The following ANKRD24 variants were observed in gnomAD, a reference collection of about 807,000 sequenced individuals.
The protein encoded by ANKRD24 is ankyrin repeat domain-containing protein 24.
In ANKRD24, 109 loss-of-function variants were observed where a neutral mutation model predicts 127.8. The ratio of observed to expected loss-of-function variants is 0.85; its 90% CI spans 0.73 to 1.00. The LOEUF (loss-of-function observed/expected upper bound fraction) is 1.00. Among genes scored for constraint, ANKRD24 ranks in the 50% least tolerant of loss-of-function variants. ANKRD24 has a pLI of 0.00. For missense variants in ANKRD24, 1,648 were observed against 1,570.2 expected (o/e 1.05, Z -0.84); for synonymous variants, 743 against 671.1 (o/e 1.11, Z -1.66).
Position 4,210,203 on chromosome 19 carries a change from C to G in ANKRD24, c.952-62C>G. On this transcript the variant is annotated intron_variant, in intron 12 of 21. Coordinates refer to ENST00000318934, the MANE Select transcript of ANKRD24 (RefSeq NM_001393985.1). ...CCCCAGGCACGGGGAGGGGCTCTGG[C>G]TGAGACCTGGGATGGGGCAACCTTA... 4 of 1,563,688 alleles carry G rather than the reference C, an allele frequency of 2.6e-6. No individual in the cohort carries two copies. In the South Asian group the frequency reaches 3.5e-5, roughly 14 times the overall value.
Position 4,202,941 on chromosome 19 carries a change from G to A in ANKRD24, c.466+15G>A. The A allele has an allele frequency of 6.5e-7, 1 of 1,549,052 alleles. No homozygotes were observed. Among genetic ancestry groups the A allele is most frequent in the Non-Finnish European group, 8.7e-7 (1 of 1,145,538 alleles). On this transcript the variant is annotated intron_variant, in intron 7 of 21. Coordinates refer to ENST00000318934, the MANE Select transcript of ANKRD24 (RefSeq NM_001393985.1). Reference sequence around the variant, plus strand: ...ACACCATGCAGGTGGGTGCAGCCCAGCCCTGCCCTGACCCCGAAGCCCAGA... The same window carrying A: ...ACACCATGCAGGTGGGTGCAGCCCAACCCTGCCCTGACCCCGAAGCCCAGA...
At chr19:4,203,088 C>G (rs187355257) in intron 7 of ANKRD24, among the ~76,000 whole-genome samples, 162 bp downstream of exon 7, 2 of 151,856 alleles carry the variant, frequency 1.3e-5, no homozygotes, top group East Asian at 3.9e-4. Flanking sequence ...CACTCTGTTG[C>G]CCAGGCTGGA....
At chr19:4,209,114 GTGT>G in intron 11 of ANKRD24, 1 of 259,808 alleles carries the variant, frequency 3.8e-6, no homozygotes, top group Non-Finnish European at 7.3e-6. Context: ...CAGTTTTTTT[GTGT>G]TTTTTTTCCC....
intron 13 of ANKRD24, among the ~76,000 whole-genome samples, chr19:4,211,587 T>C (rs983277667): frequency 4.0e-5 from 6 of 151,670 alleles, no homozygotes; most frequent in African/African-American, 1.5e-4. Flanking sequence ...GAGGTTGCAG[T>C]GAGCCAAGAT....
rs1233024698 is a variant in ANKRD24, at chr19:4,198,319, G to A, written c.37-1364G>A. The A allele has an allele frequency of 7.7e-6, 3 of 391,628 alleles. No individual in the cohort carries two copies. The East Asian group carries it at 1.1e-4, about 15-fold the overall frequency. 24.3% of individuals were successfully genotyped at this position (391,628 alleles called of 1,614,324 possible). ...GTGGGGGAGGGGGCTGGCGAGGAGG[G>A]CAAGGGGGAGGGGGCGGCACCAGGG... On this transcript the variant is annotated intron_variant, in intron 2 of 21. Transcript: ENST00000318934. The surrounding 1 kb of genome is among the most constrained non-coding windows in gnomAD (Gnocchi z 6.1).
intron 11 of ANKRD24, among the ~76,000 whole-genome samples, chr19:4,209,257 C>G (rs970709488): frequency 6.6e-6 from 1 of 150,486 alleles, no homozygotes; most frequent in East Asian, 2.0e-4. Flanking sequence ...ATTACAGGCA[C>G]CCACCACAAC....
intron 13 of ANKRD24, among the ~76,000 whole-genome samples, chr19:4,211,248 A>C (rs770090241): frequency 6.6e-6 from 1 of 152,214 alleles, no homozygotes; most frequent in Admixed American, 6.5e-5. Context: ...CCTGGGTCAC[A>C]GTATGGGCGT....
Position 4,218,050 on chromosome 19 carries a change from C to A in ANKRD24, c.2890C>A (p.Leu964Ile), listed in dbSNP as rs752175749. ...GCGGGAGCGTGTGTGCAGCGTGGCG[C>A]TCTCGGAGCACGAACGCATCGTGGG... ...LERERVCSVALSEHERIVGTL... is the reference protein window; with the variant it reads ...LERERVCSVAISEHERIVGTL... Residue 964 changes from leucine (L) to isoleucine (I), a missense_variant, in exon 18 of 22, where the codon CTC becomes ATC. Coordinates refer to ENST00000318934, the MANE Select transcript of ANKRD24 (RefSeq NM_001393985.1). 6.4e-7 allele frequency: 1 copy of A among 1,560,602 alleles called. No individual in the cohort carries two copies. Among genetic ancestry groups the A allele is most frequent in the Non-Finnish European group, 8.6e-7 (1 of 1,157,542 alleles).
Position 4,223,997 on chromosome 19 carries a change from G to A in ANKRD24, c.3298-130G>A, listed in dbSNP as rs575737427. On this transcript the variant is annotated intron_variant, in intron 20 of 21. Coordinates refer to ENST00000318934, the MANE Select transcript of ANKRD24 (RefSeq NM_001393985.1). ...TTACAAATGTATGCCACTATGCCCCGCCATATTTTCATATTTTAGCAGTCG... is the reference window on the plus strand; with the variant it reads ...TTACAAATGTATGCCACTATGCCCCACCATATTTTCATATTTTAGCAGTCG... 3.0e-4 allele frequency: 214 copies of A among 703,104 alleles called. 2 individuals are homozygous for A. The highest frequency in any genetic ancestry group is 3.0e-3 in the South Asian group (159 of 52,694). The allele number at this position is 703,104 out of a possible 1,614,324, so 43.6% of individuals were successfully genotyped here.
intron 20 of ANKRD24, 148 bp from the exon 21 acceptor site, chr19:4,223,979 T>C (rs1407982856): frequency 6.1e-6 from 4 of 657,436 alleles, no homozygotes; most frequent in East Asian, 5.6e-5. Flanking sequence ...GGATTACAAA[T>C]GTATGCCACT....
intron 1 of ANKRD24, chr19:4,183,479 TA>T: frequency 2.5e-6 from 1 of 407,636 alleles, no homozygotes; most frequent in Non-Finnish European, 3.3e-6. Context: ...TGTGACCAGG[TA>T]ATGGTGACAT....
In ANKRD24 at chr19:4,199,892, G is replaced by C. The variant is rs767093955; in HGVS notation, c.141G>C (p.Lys47Asn). The C allele has an allele frequency of 6.4e-7, 1 of 1,571,048 alleles. No individual in the cohort carries two copies. Among genetic ancestry groups the C allele is most frequent in the South Asian group, 1.2e-5 (1 of 85,434 alleles). ...CCCTGCAGAGTCAAGACTGGGGCAA[G>C]AGTGACGAGAGGCTGCTACAAGCCG... ...RGRRQSQDWG[K>N]SDERLLQAVE... The change falls in exon 4 of 22, where the codon AAG (lysine) becomes AAC (asparagine). Residue 47 changes from lysine (K) to asparagine (N), a missense_variant. Transcript: ENST00000318934. The surrounding 1 kb of genome is among the most constrained non-coding windows in gnomAD (Gnocchi z 5.2).
intron 11 of ANKRD24, among the ~76,000 whole-genome samples, chr19:4,209,632 G>A (rs1969592218): frequency 6.6e-6 from 1 of 151,624 alleles, no homozygotes; most frequent in Admixed American, 6.6e-5. Context: ...TGTATTTTTA[G>A]TAGGGTCGGG....
At chr19:4,187,419 GAAA>G (rs573288227) in intron 2 of ANKRD24, among the ~76,000 whole-genome samples, 2 of 138,240 alleles carry the variant, frequency 1.4e-5, no homozygotes, top group African/African-American at 5.4e-5. Flanking sequence ...TCTCAAAAAA[GAAA>G]AAAAAAAGAA....
At chr19:4,214,596 G>A (rs1969953626) in intron 15 of ANKRD24, among the ~76,000 whole-genome samples, 1 of 152,282 alleles carries the variant, frequency 6.6e-6, no homozygotes, top group East Asian at 1.9e-4. Flanking sequence ...GCTCACGCCT[G>A]TAATCTCAGC....
chr19:4,217,287 C>T lies in ANKRD24; in HGVS notation c.2127C>T (p.Ile709=). Residue 709 remains isoleucine (I), a synonymous_variant, in exon 18 of 22, where the codon ATC becomes ATT. Transcript: ENST00000318934. ...ATVPGISAGP[I]LHPGAAEASE... is the part of the protein sequence containing the mutation. ...TCCCGGGGATCTCTGCTGGCCCCAT[C>T]CTACATCCTGGTGCCGCAGAGGCCT... 6.4e-7 allele frequency: 1 copy of T among 1,557,884 alleles called. No homozygotes were observed. Among genetic ancestry groups the T allele is most frequent in the African/African-American group, 1.4e-5 (1 of 73,426 alleles).
intron 11 of ANKRD24, among the ~76,000 whole-genome samples, 160 bp from the exon 12 acceptor site, chr19:4,209,898 G>A (rs889607134): frequency 1.4e-5 from 2 of 146,186 alleles, no homozygotes; most frequent in African/African-American, 2.6e-5. Flanking sequence ...TCTTGTCTGC[G>A]CTTTGCTGGG....
In ANKRD24 at chr19:4,212,732, G is replaced by T. The variant is rs999202986; in HGVS notation, c.1197+34G>T. On this transcript the variant is annotated intron_variant, in intron 15 of 21. Coordinates refer to ENST00000318934, the MANE Select transcript of ANKRD24 (RefSeq NM_001393985.1). ...AGTGATGAGTCAGGGCTGGGCTGGG[G>T]CTGGGTCGGGGAACTTCTCTCCTAC... The T allele has an allele frequency of 3.3e-6, 5 of 1,537,842 alleles. No individual in the cohort carries two copies. In the African/African-American group the frequency reaches 5.5e-5, roughly 17 times the overall value.
At chr19:4,210,187 C>G in intron 12 of ANKRD24, 49 bp downstream of exon 12, 1 of 1,568,804 alleles carries the variant, frequency 6.4e-7, no homozygotes, top group Non-Finnish European at 8.7e-7. Flanking sequence ...CCCCCAGGCA[C>G]GGGGAGGGGC....
Sources: gnomAD v4.1 joint callset for allele counts (sites outside exome capture counted in the v4.1 genomes callset) on GRCh38, gnomAD v4.1.1 for gene constraint, Gnocchi (gnomAD v3.1) non-coding constraint, MANE v1.5 for transcripts, NCBI Gene and HGNC (gene_info 2026-07-23, HGNC 2026-07-21) for gene names.